Variants in EYS observed in about 807,000 individuals in gnomAD.
EYS encodes the protein protein eyes shut homolog.
EYS carries 250 observed loss-of-function variants against 282.1 expected under a neutral mutation model. The ratio of observed to expected loss-of-function variants is 0.89; its 90% confidence interval spans 0.80 to 0.98. The LOEUF (loss-of-function observed/expected upper bound fraction) is 0.98. Ranked by LOEUF, EYS falls within the 50% of genes least tolerant of loss-of-function variation. The pLI, the probability that EYS is intolerant of heterozygous loss-of-function variation, is 0.00. For missense variants in EYS, 4,016 were observed against 3,709.0 expected (o/e 1.08, Z -2.15); for synonymous variants, 1,355 against 1,282.9 (o/e 1.06, Z -1.20).
intron 22 of EYS, among the ~76,000 whole-genome samples, chr6:64,768,036 T>C (rs934253034): frequency 6.6e-6 from 1 of 152,156 alleles, no homozygotes; most frequent in Admixed American, 6.6e-5. Flanking sequence ...GTATGATAAA[T>C]TGTATTATTT....
chr6:65,117,457 C>T (rs1387859609), intron 12 of EYS, among the ~76,000 whole-genome samples: 3 of 152,102 alleles, frequency 2.0e-5, no homozygotes, highest in Admixed American at 6.5e-5. Context: ...CCTTTTCACT[C>T]TCTAATTACA....
intron 15 of EYS, among the ~76,000 whole-genome samples, chr6:64,923,128 G>T (rs574419486): frequency 6.6e-6 from 1 of 151,948 alleles, no homozygotes; most frequent in Admixed American, 6.6e-5. Flanking sequence ...TCACGCTGCT[G>T]ATAAAGACAT....
At chr6:65,567,849 G>A (rs749618916) in intron 2 of EYS, among the ~76,000 whole-genome samples, 46 of 151,916 alleles carry the variant, frequency 3.0e-4, no homozygotes, top group Non-Finnish European at 4.9e-4. Flanking sequence ...ACCCTTAACT[G>A]AACTCATAAT....
intron 33 of EYS, among the ~76,000 whole-genome samples, chr6:64,025,668 G>T (rs1370379976): frequency 2.0e-5 from 3 of 152,132 alleles, no homozygotes; most frequent in East Asian, 1.9e-4. Context: ...CTGGAATTTA[G>T]GATCCCTCCT....
At chr6:65,096,500 A>C (rs1212872939) in intron 12 of EYS, among the ~76,000 whole-genome samples, 1 of 151,008 alleles carries the variant, frequency 6.6e-6, no homozygotes, top group Non-Finnish European at 1.5e-5. Flanking sequence ...AAAATTGTGA[A>C]ATTTGTATGA....
At chr6:63,910,315 T>C (rs1773883261) in intron 35 of EYS, among the ~76,000 whole-genome samples, 1 of 152,232 alleles carries the variant, frequency 6.6e-6, no homozygotes, top group East Asian at 1.9e-4. Context: ...AAGGGGAGGT[T>C]GGGGCTACTG....
rs188671906 is a variant in EYS, at chr6:65,590,705, C to T, written c.-333+49073G>A. On this transcript the variant is annotated intron_variant, in intron 2 of 42. Coordinates refer to ENST00000503581, the MANE Select transcript of EYS (RefSeq NM_001142800.2). The stretch of plus-strand genomic sequence containing the variant: ...CTAGAAGATCAACTTTTGAAGATTC[C>T]GTTTATGAGATCACGTGGTATTTGT... Among the ~76,000 whole-genome samples, 4 of 152,012 alleles carry T rather than the reference C, an allele frequency of 2.6e-5. No individual in the cohort carries two copies. In the East Asian group the frequency reaches 5.8e-4, roughly 22 times the overall value.
chr6:65,326,449 A>G (rs1769624661), intron 11 of EYS, among the ~76,000 whole-genome samples: 1 of 151,494 alleles, frequency 6.6e-6, no homozygotes, highest in Non-Finnish European at 1.5e-5. Flanking sequence ...TGACTCATAT[A>G]TATGAGTCAG....
chr6:65,341,133 GTACATCATTCAAGTGT>G (rs1463298722), intron 10 of EYS, among the ~76,000 whole-genome samples: 1 of 151,134 alleles, frequency 6.6e-6, no homozygotes, highest in African/African-American at 2.4e-5. Context: ...GGTTCTATAA[GTACATCATTCAAGTGT>G]TCTAAATAAG....
intron 28 of EYS, among the ~76,000 whole-genome samples, chr6:64,430,983 C>A (rs1490694254): frequency 6.6e-6 from 1 of 152,058 alleles, no homozygotes; most frequent in African/African-American, 2.4e-5. Context: ...ATGCCAGGAC[C>A]ACAACATAGT....
At chr6:63,824,179 T>C (rs937434242) in intron 36 of EYS, among the ~76,000 whole-genome samples, 13 of 152,158 alleles carry the variant, frequency 8.5e-5, no homozygotes, top group African/African-American at 3.1e-4. Flanking sequence ...CTTAAATCAT[T>C]GAGGGACATA....
chr6:63,742,069 G>A lies in EYS; in HGVS notation c.8072-15389C>T, dbSNP rs1769089698. 5 of 679,486 alleles carry A rather than the reference G, an allele frequency of 7.4e-6. No individual in the cohort carries two copies. The Middle Eastern group carries it at 9.4e-4, about 127-fold the overall frequency. The allele number at this position is 679,486 out of a possible 1,614,324, so 42.1% of individuals were successfully genotyped here. Reference sequence around the variant, plus strand: ...CTTCTGTCGTGGCAGACACTCTTTGGATCTTTGAAACCTCTTTAACTCTTC... The same window carrying A: ...CTTCTGTCGTGGCAGACACTCTTTGAATCTTTGAAACCTCTTTAACTCTTC... On this transcript the variant is annotated intron_variant, in intron 41 of 42. Transcript: ENST00000503581.
intron 26 of EYS, among the ~76,000 whole-genome samples, chr6:64,498,713 A>G (rs1261852215): frequency 6.6e-6 from 1 of 151,756 alleles, no homozygotes; most frequent in Non-Finnish European, 1.5e-5. Context: ...TATAAGTGAG[A>G]ATATGTGGTG....
intron 26 of EYS, among the ~76,000 whole-genome samples, chr6:64,544,934 C>T (rs1223925721): frequency 6.6e-6 from 1 of 152,080 alleles, no homozygotes; most frequent in Non-Finnish European, 1.5e-5. Flanking sequence ...CAAATTCTAC[C>T]AGAGGTACAA....
In EYS at chr6:63,767,240, G is replaced by C. The variant is rs770895301; in HGVS notation, c.7899-4607C>G. ...ATGGAAGTGCTAGCCCAAGCAATCA[G>C]GCAAGAGAAAGAAGAAAAGATATCC... On this transcript the variant is annotated intron_variant, in intron 40 of 42. Coordinates refer to ENST00000503581, the MANE Select transcript of EYS (RefSeq NM_001142800.2). Among the ~76,000 whole-genome samples the C allele has an allele frequency of 2.0e-5, 3 of 152,052 alleles. No homozygotes were observed. The East Asian group carries it at 5.8e-4, about 29-fold the overall frequency.
intron 19 of EYS, among the ~76,000 whole-genome samples, chr6:64,864,335 C>T (rs954971970): frequency 1.4e-5 from 2 of 143,076 alleles, no homozygotes; most frequent in African/African-American, 5.1e-5. Flanking sequence ...GGCACAAGTG[C>T]TATTGAGAAG....
intron 26 of EYS, among the ~76,000 whole-genome samples, chr6:64,492,653 A>G (rs973428): frequency 0.39 from 59,237 of 150,902 alleles, 11,957 homozygotes; most frequent in African/African-American, 0.5. Context: ...GGGTGTGTGG[A>G]GAAGAACAAT....
At chr6:65,662,224 C>T (rs1386975980) in intron 1 of EYS, among the ~76,000 whole-genome samples, 1 of 151,852 alleles carries the variant, frequency 6.6e-6, no homozygotes, top group Non-Finnish European at 1.5e-5. Context: ...CTGAACATTC[C>T]CAAAATTTAC....
At position 63,783,297 on chromosome 6, in the gene EYS, G is replaced by T. The variant is rs76071783; in HGVS notation, c.7723+4808C>A. ...GTGGTTAGGGTTGGCATCCAGGTGA[G>T]TTGGCAAACAGAGTACAGGACTGTG... On this transcript the variant is annotated intron_variant, in intron 39 of 42. Transcript: ENST00000503581. Among the ~76,000 whole-genome samples, 15 of 152,300 alleles carry T rather than the reference G, an allele frequency of 9.8e-5. No homozygotes were observed. In the East Asian group the frequency reaches 2.9e-3, roughly 29 times the overall value.
Sources: allele counts gnomAD v4.1 joint callset (sites outside exome capture counted in the v4.1 genomes callset), GRCh38; gene constraint gnomAD v4.1.1; transcripts MANE v1.5; gene names NCBI Gene and HGNC (gene_info 2026-07-23, HGNC 2026-07-21).